TKT: variants seen among roughly 807,000 people sequenced by gnomAD.
The protein encoded by TKT is epididymis luminal protein 107.
A neutral mutation model predicts 63.9 loss-of-function variants in TKT; 47 were observed. The observed-to-expected ratio is 0.74, with a 90% confidence interval of 0.58 to 0.94. The LOEUF (loss-of-function observed/expected upper bound fraction) is 0.94. TKT is among the 40% of genes least tolerant of loss of function. The pLI, the probability that TKT is intolerant of heterozygous loss-of-function variation, is 0.00. For missense variants in TKT, 721 were observed against 846.2 expected (o/e 0.85, Z 1.84); for synonymous variants, 338 against 334.1 (o/e 1.01, Z -0.13).
intron 2 of TKT, chr3:53,241,855 G>A (rs41275543): frequency 0.19 from 84,984 of 447,800 alleles, 9,197 homozygotes; most frequent in Middle Eastern, 0.27. Flanking sequence ...AGATGTTTCC[G>A]TAGTCCCCTA....
Position 53,225,722 on chromosome 3 carries a change from T to C in TKT, c.*34A>G, listed in dbSNP as rs781796971. ...AGCACCTTTCCCAGAATCTCAGGAA[T>C]GTATAGACCCCCGCCCCACACTTCA... On this transcript the variant is annotated 3_prime_UTR_variant, in exon 14 of 14. Coordinates refer to ENST00000462138, the MANE Select transcript of TKT (RefSeq NM_001064.4). The C allele has an allele frequency of 1.9e-6, 3 of 1,540,704 alleles. No homozygotes were observed. Among genetic ancestry groups the C allele is most frequent in the Non-Finnish European group, 1.8e-6 (2 of 1,135,046 alleles).
intron 7 of TKT, among the ~76,000 whole-genome samples, chr3:53,231,104 G>T (rs1704735703): frequency 6.6e-6 from 1 of 152,202 alleles, no homozygotes; most frequent in Non-Finnish European, 1.5e-5. Flanking sequence ...CCTTGGCTTT[G>T]ATCTCAGTTC....
chr3:53,241,431 A>G (rs1705271399), intron 2 of TKT, among the ~76,000 whole-genome samples, 186 bp from the exon 3 acceptor site: 1 of 152,258 alleles, frequency 6.6e-6, no homozygotes, highest in Non-Finnish European at 1.5e-5. Context: ...TTTTCAGCCC[A>G]AAGTTCCCAC....
At chr3:53,234,724 T>G (rs1168638735) in intron 5 of TKT, 1 of 377,332 alleles carries the variant, frequency 2.7e-6, no homozygotes. Flanking sequence ...CGTGAGATGG[T>G]GTGTGGAAGC....
At chr3:53,237,846 AC>A (rs1705107356) in intron 4 of TKT, 1 of 151,930 alleles carries the variant, frequency 6.6e-6, no homozygotes, top group Admixed American at 6.6e-5. Flanking sequence ...AATCACTTGA[AC>A]CCGGGAGGCG....
rs140696022 is a variant in TKT, at chr3:53,242,147, T to C, written c.203A>G (p.Asn68Ser). 6.4e-5 allele frequency: 103 copies of C among 1,614,030 alleles called. No homozygotes were observed. In the African/African-American group the frequency reaches 1.0e-3, roughly 16 times the overall value. Reference sequence around the variant, plus strand: ...TACCTTGGAGAGCACAAAGCGGTCATTGTGCGGATTCCGGGGGTCCTGGGA... The same window carrying C: ...TACCTTGGAGAGCACAAAGCGGTCACTGTGCGGATTCCGGGGGTCCTGGGA... ...YKSQDPRNPH[N>S]DRFVLSKGHA... The change falls in exon 2 of 14, where the codon AAT (asparagine) becomes AGT (serine). Residue 68 changes from asparagine (N) to serine (S), a missense_variant. Transcript: ENST00000462138.
chr3:53,226,377 G>A, intron 13 of TKT: 1 of 275,692 alleles, frequency 3.6e-6, no homozygotes, highest in Non-Finnish European at 7.0e-6. Context: ...TAGAGAGGCT[G>A]GTGTGTACTT....
At chr3:53,228,894 G>T in intron 10 of TKT, 113 bp downstream of exon 10, 1 of 1,448,770 alleles carries the variant, frequency 6.9e-7, no homozygotes, top group Non-Finnish European at 9.3e-7. Context: ...AACACCAGGG[G>T]CAAGGTCAGG....
rs569622503 is a variant in TKT at position 53,255,736 on chromosome 3, G to A, written c.107+100C>T. The stretch of plus-strand genomic sequence containing the variant: ...GCGCCCGGGCCACCTTCCTCGTCTA[G>A]GCATCTCGCAGCGCGACCCAGAGCC... On this transcript the variant is annotated intron_variant, in intron 1 of 13. Transcript: ENST00000462138. 9.0e-5 allele frequency: 69 copies of A among 766,840 alleles called. 2 individuals are homozygous for A. In the South Asian group the frequency reaches 3.4e-3, roughly 38 times the overall value. 47.5% of individuals were successfully genotyped at this position (766,840 alleles called of 1,614,324 possible). A position where few individuals can be genotyped will look rare whatever the true frequency, so the allele number is the denominator to read the frequency against.
Position 53,233,319 on chromosome 3 carries a change from C to T in TKT, c.630-45G>A, listed in dbSNP as rs1704859957. 4.6e-6 allele frequency: 7 copies of T among 1,507,382 alleles called. No homozygotes were observed. The African/African-American group carries it at 5.5e-5, about 12-fold the overall frequency. The allele number at this position is 1,507,382 out of a possible 1,614,324, so 93.4% of individuals were successfully genotyped here. On this transcript the variant is annotated intron_variant, in intron 5 of 13. Transcript: ENST00000462138. ...AGTAAGGGGCAATTCCCAGGGGCCA[C>T]AACACCGAGGAGCCTTCCAGGGAAA...
intron 1 of TKT, among the ~76,000 whole-genome samples, chr3:53,246,290 C>A (rs537994679): frequency 6.7e-4 from 102 of 151,770 alleles, no homozygotes; most frequent in African/African-American, 2.3e-3. Context: ...ACAACAACAA[C>A]AAAAAAAAGG....
At chr3:53,237,582 T>A (rs908305342) in intron 4 of TKT, among the ~76,000 whole-genome samples, 1 of 150,022 alleles carries the variant, frequency 6.7e-6, no homozygotes, top group East Asian at 2.0e-4. Context: ...ATGGACAAAA[T>A]ACATCATTAG....
In TKT at chr3:53,225,799, T is replaced by TC; in HGVS notation, c.1828dup (p.Asp610GlyfsTer19). The TC allele has an allele frequency of 6.2e-7, 1 of 1,614,098 alleles. No homozygotes were observed. Among genetic ancestry groups the TC allele is most frequent in the Non-Finnish European group, 8.5e-7 (1 of 1,179,970 alleles). ...GCCCCTCACAGCTTGTGCAATGGCA[T>TC]CCCTGTCGATACCAAACATCTTCAG... On this transcript the variant is annotated frameshift_variant, in exon 14 of 14. Coordinates refer to ENST00000462138, the MANE Select transcript of TKT (RefSeq NM_001064.4). LOFTEE classifies it high-confidence loss of function.
rs2106684106 is a variant in TKT, at chr3:53,234,979, A to G, written c.629+4T>C. The G allele has an allele frequency of 1.2e-6, 2 of 1,609,548 alleles. No homozygotes were observed. The highest frequency in any genetic ancestry group is 1.3e-5 in the African/African-American group (1 of 75,030). On this transcript the variant is annotated splice_donor_region_variant and intron_variant, in intron 5 of 13. Transcript: ENST00000462138. ...CCACACTCAGGCCACAGCCTCGTACATACCCGAAGGCCTCGCACCGCTTCT... is the reference window on the plus strand; with the variant it reads ...CCACACTCAGGCCACAGCCTCGTACGTACCCGAAGGCCTCGCACCGCTTCT...
intron 8 of TKT, 115 bp from the exon 9 acceptor site, chr3:53,229,551 TG>T (rs1704654227): frequency 1.1e-5 from 14 of 1,219,062 alleles, no homozygotes; most frequent in Middle Eastern, 2.8e-4. Flanking sequence ...CCATCCTTTC[TG>T]GGCTTCTGAA....
In TKT at chr3:53,230,724, A is replaced by C. The variant is rs112286674; in HGVS notation, c.943-103T>G. 4.3e-6 allele frequency: 6 copies of C among 1,393,960 alleles called. No individual in the cohort carries two copies. The African/African-American group carries it at 5.8e-5, about 13-fold the overall frequency. 86.3% of individuals were successfully genotyped at this position (1,393,960 alleles called of 1,614,324 possible). On this transcript the variant is annotated intron_variant, in intron 7 of 13. Coordinates refer to ENST00000462138, the MANE Select transcript of TKT (RefSeq NM_001064.4). ...GAGAAGGATTAAAACGGGGCCAAAAATGGAAGCCCTGGAGCACAAGGTCCT... is the reference window on the plus strand; with the variant it reads ...GAGAAGGATTAAAACGGGGCCAAAACTGGAAGCCCTGGAGCACAAGGTCCT...
intron 7 of TKT, 64 bp from the exon 8 acceptor site, chr3:53,230,685 G>A: frequency 1.3e-6 from 2 of 1,585,244 alleles, no homozygotes; most frequent in South Asian, 2.2e-5. Flanking sequence ...CTGCAGCCTG[G>A]AGCCCTGCTT....
chr3:53,246,450 C>T (rs574312791), intron 1 of TKT, among the ~76,000 whole-genome samples: 10 of 152,256 alleles, frequency 6.6e-5, no homozygotes, highest in East Asian at 3.9e-4. Context: ...TTCACAAATC[C>T]GGTATCAATA....
chr3:53,242,583 C>T (rs1262070015), intron 1 of TKT, among the ~76,000 whole-genome samples: 4 of 152,192 alleles, frequency 2.6e-5, no homozygotes, highest in African/African-American at 9.7e-5. Context: ...GAAGACTCAG[C>T]CCAAGGCTAG....
Sources: gnomAD v4.1 joint callset for allele counts (sites outside exome capture counted in the v4.1 genomes callset) on GRCh38, gnomAD v4.1.1 for gene constraint, MANE v1.5 for transcripts, NCBI Gene and HGNC (gene_info 2026-07-23, HGNC 2026-07-21) for gene names.